CCDC198: variants seen among roughly 807,000 people sequenced by gnomAD.
CCDC198 encodes the protein factor associated with metabolism and energy.
In CCDC198, 18 loss-of-function variants were observed where a neutral mutation model predicts 35.6. The ratio of observed to expected loss-of-function variants is 0.51; its 90% confidence interval spans 0.35 to 0.75. The LOEUF (loss-of-function observed/expected upper bound fraction) is 0.75, where lower values mean the gene tolerates loss of function less well. CCDC198 is among the 30% of genes least tolerant of loss of function. The probability of loss-of-function intolerance (pLI) is 0.01; values close to 1 mark genes in which losing one functional copy is unlikely to be tolerated. For synonymous variants in CCDC198, 119 were observed against 113.4 expected (o/e 1.05, Z -0.31); for missense variants, 365 against 343.7 (o/e 1.06, Z -0.49).
intron 1 of CCDC198, among the ~76,000 whole-genome samples, chr14:57,491,284 A>C (rs1291983382): frequency 6.6e-6 from 1 of 152,050 alleles, no homozygotes; most frequent in Non-Finnish European, 1.5e-5. Flanking sequence ...CCAGGATTTA[A>C]TATCTGCTCT....
At chr14:57,484,278 C>T (rs1428346795) in intron 2 of CCDC198, among the ~76,000 whole-genome samples, 1 of 152,146 alleles carries the variant, frequency 6.6e-6, no homozygotes, top group African/African-American at 2.4e-5. Flanking sequence ...ATGATAACGT[C>T]CTCATTAAAA....
At position 57,474,988 on chromosome 14, in the gene CCDC198, A is replaced by G. The variant is rs534882758; in HGVS notation, c.656-3398T>C. Among the ~76,000 whole-genome samples, 561 of 152,314 alleles carry G rather than the reference A, an allele frequency of 3.7e-3. 6 individuals carry two copies. The highest frequency in any genetic ancestry group is 0.013 in the African/African-American group (533 of 41,574). On this transcript the variant is annotated intron_variant, in intron 5 of 5. Coordinates refer to ENST00000216445, the MANE Select transcript of CCDC198 (RefSeq NM_018168.4). ...TATTAAAAAATAAAACAGGCTGGGC[A>G]CAGTGGCTCACGCCTGTAATCCCAG...
chr14:57,490,970 C>G lies in CCDC198; in HGVS notation c.306+19G>C, dbSNP rs758342305. The G allele has an allele frequency of 2.0e-6, 3 of 1,529,372 alleles. No individual in the cohort carries two copies. The Admixed American group carries it at 5.1e-5, about 26-fold the overall frequency. 94.7% of individuals were successfully genotyped at this position (1,529,372 alleles called of 1,614,324 possible). ...TTTATCCAAGAAATTCCTTATGAAGCCTTTTAAATTCATCTTACTTGAAGT... is the reference window on the plus strand; with the variant it reads ...TTTATCCAAGAAATTCCTTATGAAGGCTTTTAAATTCATCTTACTTGAAGT... On this transcript the variant is annotated intron_variant, in intron 2 of 5. Coordinates refer to ENST00000216445, the MANE Select transcript of CCDC198 (RefSeq NM_018168.4).
chr14:57,470,863 C>T lies in CCDC198; in HGVS notation c.*492G>A, dbSNP rs2066800635. The T allele has an allele frequency of 6.5e-6, 1 of 153,166 alleles. No individual in the cohort carries two copies. The highest frequency in any genetic ancestry group is 2.4e-5 in the African/African-American group (1 of 41,456). 9.5% of individuals were successfully genotyped at this position (153,166 alleles called of 1,614,324 possible). The stretch of plus-strand genomic sequence containing the variant: ...TAAGAAGACTGGCAACTTCTGTTTC[C>T]TCCTCTTGAGACAATTGCTTTTGGG... On this transcript the variant is annotated 3_prime_UTR_variant, in exon 6 of 6. Coordinates refer to ENST00000216445, the MANE Select transcript of CCDC198 (RefSeq NM_018168.4).
rs1337595180 is a variant in CCDC198 at position 57,470,673 on chromosome 14, A to G, written c.*682T>C. 6.6e-6 allele frequency: 1 copy of G among 152,238 alleles called. No homozygotes were observed. Among genetic ancestry groups the G allele is most frequent in the East Asian group, 1.9e-4 (1 of 5,196 alleles). 9.4% of individuals were successfully genotyped at this position (152,238 alleles called of 1,614,324 possible). ...TTTTATGTAATCTAATTTTCTTTTTAAAAACATGGTGAGGTGGCAAATGTC... is the reference window on the plus strand; with the variant it reads ...TTTTATGTAATCTAATTTTCTTTTTGAAAACATGGTGAGGTGGCAAATGTC... On this transcript the variant is annotated 3_prime_UTR_variant, in exon 6 of 6. Coordinates refer to ENST00000216445, the MANE Select transcript of CCDC198 (RefSeq NM_018168.4).
intron 5 of CCDC198, among the ~76,000 whole-genome samples, chr14:57,473,491 AC>A (rs1399993624): frequency 1.3e-5 from 2 of 152,036 alleles, no homozygotes; most frequent in Non-Finnish European, 2.9e-5. Context: ...TGGCCTCCTT[AC>A]CCTCTCCATG....
At chr14:57,483,641 GT>G in intron 2 of CCDC198, among the ~76,000 whole-genome samples, 1 of 152,332 alleles carries the variant, frequency 6.6e-6, no homozygotes, top group South Asian at 2.1e-4. Context: ...TGAAACTGCA[GT>G]GTGCTAACAC....
chr14:57,491,043 T>C lies in CCDC198; in HGVS notation c.252A>G (p.Pro84=), dbSNP rs2067549189. 1 of 1,611,192 alleles carries C rather than the reference T, an allele frequency of 6.2e-7. No individual in the cohort carries two copies. The highest frequency in any genetic ancestry group is 2.2e-5 in the East Asian group (1 of 44,798). ...TASRDMYFDI[P]LEHRETSIIK... ...TAATACTTGTTTCTCTGTGTTCCAG[T>C]GGGATGTCAAAATACATGTCTCTGG... The change falls in exon 2 of 6, where the codon CCA becomes CCG. Residue 84 remains proline, a synonymous_variant. Coordinates refer to ENST00000216445, the MANE Select transcript of CCDC198 (RefSeq NM_018168.4).
In CCDC198 at chr14:57,490,987, A is replaced by T; in HGVS notation, c.306+2T>A. On this transcript the variant is annotated splice_donor_variant, in intron 2 of 5. Transcript: ENST00000216445. LOFTEE classifies it high-confidence loss of function. ...TTATGAAGCCTTTTAAATTCATCTT[A>T]CTTGAAGTCTTTGGGGTGGATGCCT... 3 of 1,570,784 alleles carry T rather than the reference A, an allele frequency of 1.9e-6. No homozygotes were observed. Among genetic ancestry groups the T allele is most frequent in the Non-Finnish European group, 2.6e-6 (3 of 1,141,332 alleles).
intron 2 of CCDC198, among the ~76,000 whole-genome samples, chr14:57,485,267 A>C (rs1207696102): frequency 6.6e-6 from 1 of 152,088 alleles, no homozygotes; most frequent in Non-Finnish European, 1.5e-5. Context: ...CAAGGTCAGG[A>C]GTGAGAAGAG....
At position 57,483,141 on chromosome 14, in the gene CCDC198, G is replaced by T; in HGVS notation, c.317C>A (p.Pro106His). 6.2e-7 allele frequency: 1 copy of T among 1,614,032 alleles called. No individual in the cohort carries two copies. Among genetic ancestry groups the T allele is most frequent in the Non-Finnish European group, 8.5e-7 (1 of 1,179,960 alleles). The change falls in exon 3 of 6, where the codon CCC (proline) becomes CAC (histidine). Residue 106 changes from proline to histidine, a missense_variant. Physicochemically the swap from Pro to His is moderately conservative, Grantham distance 77. Transcript: ENST00000216445. The stretch of plus-strand genomic sequence containing the variant: ...AGTAATTACTCGTGGCAAGTCAATG[G>T]GTTCAAGCTTCTAGAAGTTCAACGT... ...HPPQRLQKLE[P>H]IDLPRVITSG...
chr14:57,481,514 T>C (rs1290626927), intron 4 of CCDC198, 45 bp downstream of exon 4: 1 of 1,294,068 alleles, frequency 7.7e-7, no homozygotes, highest in Non-Finnish European at 1.1e-6. Context: ...GGGCAGTGAT[T>C]ATGTGATGAA....
At chr14:57,476,554 T>C in intron 5 of CCDC198, among the ~76,000 whole-genome samples, 1 of 152,318 alleles carries the variant, frequency 6.6e-6, no homozygotes, top group East Asian at 1.9e-4. Context: ...TTATATATCA[T>C]TTGTGTCATA....
At chr14:57,489,841 C>A (rs2139558277) in intron 2 of CCDC198, among the ~76,000 whole-genome samples, 1 of 152,204 alleles carries the variant, frequency 6.6e-6, no homozygotes, top group East Asian at 1.9e-4. Context: ...GTATTAAACT[C>A]ATCCTTTGAA....
chr14:57,488,827 C>T (rs894110972), intron 2 of CCDC198, among the ~76,000 whole-genome samples: 1 of 152,060 alleles, frequency 6.6e-6, no homozygotes, highest in Non-Finnish European at 1.5e-5. Flanking sequence ...CAATGAGATA[C>T]CACCTCACAC....
intron 5 of CCDC198, among the ~76,000 whole-genome samples, chr14:57,474,305 T>C (rs920853906): frequency 7.9e-5 from 12 of 152,178 alleles, no homozygotes; most frequent in Admixed American, 3.3e-4. Context: ...GCCCCATTCA[T>C]TGGGGCTCAG....
intron 2 of CCDC198, among the ~76,000 whole-genome samples, chr14:57,486,952 G>C (rs1166361792): frequency 6.6e-6 from 1 of 152,162 alleles, no homozygotes; most frequent in Non-Finnish European, 1.5e-5. Context: ...AAAGCCACTA[G>C]ATGGCAGCAA....
chr14:57,487,815 T>G (rs2067415324), intron 2 of CCDC198, among the ~76,000 whole-genome samples: 1 of 152,218 alleles, frequency 6.6e-6, no homozygotes, highest in African/African-American at 2.4e-5. Context: ...GGACCCAGCA[T>G]GTATTATTCT....
At chr14:57,488,331 T>A (rs1224634804) in intron 2 of CCDC198, among the ~76,000 whole-genome samples, 5 of 152,182 alleles carry the variant, frequency 3.3e-5, no homozygotes, top group Non-Finnish European at 7.4e-5. Flanking sequence ...ATCCTTTGAT[T>A]AATCATGTTA....
Sources: allele counts gnomAD v4.1 joint callset (sites outside exome capture counted in the v4.1 genomes callset), GRCh38; gene constraint gnomAD v4.1.1; transcripts MANE v1.5; gene names NCBI Gene and HGNC (gene_info 2026-07-23, HGNC 2026-07-21).